Variants in SPPL3 observed in about 807,000 individuals in gnomAD.
The protein encoded by SPPL3 is signal peptide peptidase-like 3.
A neutral mutation model predicts 42.4 loss-of-function variants in SPPL3; 5 were observed. The observed-to-expected ratio is 0.12, with a 90% confidence interval of 0.06 to 0.25. The LOEUF (loss-of-function observed/expected upper bound fraction) is 0.25, where lower values mean the gene tolerates loss of function less well. Ranked by LOEUF, SPPL3 falls within the 10% of genes least tolerant of loss-of-function variation. The pLI is 1.00. For synonymous variants in SPPL3, 195 were observed against 181.8 expected (o/e 1.07, Z -0.58); for missense variants, 235 against 489.0 (o/e 0.48, Z 4.90).
chr12:120,878,136 G>A (rs1873165169), intron 1 of SPPL3, among the ~76,000 whole-genome samples: 1 of 151,862 alleles, frequency 6.6e-6, no homozygotes, highest in Non-Finnish European at 1.5e-5. Flanking sequence ...TGACCAGCTA[G>A]GAAAAAAATG....
At chr12:120,890,157 G>A (rs1038958886) in intron 1 of SPPL3, among the ~76,000 whole-genome samples, 1 of 152,172 alleles carries the variant, frequency 6.6e-6, no homozygotes. Flanking sequence ...GCTGAGGCAG[G>A]AGAGTTACTT....
intron 1 of SPPL3, among the ~76,000 whole-genome samples, chr12:120,817,542 G>A (rs1292949601): frequency 6.6e-6 from 1 of 152,142 alleles, no homozygotes; most frequent in Non-Finnish European, 1.5e-5. Flanking sequence ...ATGAAGGTAA[G>A]CCATCATCTT....
chr12:120,848,486 G>C (rs527356760), intron 1 of SPPL3, among the ~76,000 whole-genome samples: 1 of 152,312 alleles, frequency 6.6e-6, no homozygotes, highest in East Asian at 1.9e-4. Context: ...ACTGAGAATA[G>C]TGGTATCATT....
chr12:120,809,130 G>A (rs1870597676), intron 2 of SPPL3, among the ~76,000 whole-genome samples: 2 of 152,184 alleles, frequency 1.3e-5, no homozygotes, highest in African/African-American at 4.8e-5. Flanking sequence ...TGGATCACAA[G>A]GTCAGGAGAT....
intron 2 of SPPL3, 162 bp from the exon 3 acceptor site, chr12:120,791,719 G>C: frequency 1.8e-6 from 1 of 571,216 alleles, no homozygotes; most frequent in Non-Finnish European, 3.1e-6. Flanking sequence ...ACAATCTTCA[G>C]TCCTTCCAAT....
chr12:120,874,452 C>CAAA (rs71076673), intron 1 of SPPL3, among the ~76,000 whole-genome samples: 35 of 97,416 alleles, frequency 3.6e-4, no homozygotes, highest in Non-Finnish European at 5.5e-4. Context: ...GACCCTGTCG[C>CAAA]AAAAAAAAAA....
intron 6 of SPPL3, among the ~76,000 whole-genome samples, chr12:120,779,820 C>CA (rs1164272443): frequency 0.051 from 2,192 of 42,820 alleles, 132 homozygotes; most frequent in Middle Eastern, 0.12. Context: ...ACTAAAAATA[C>CA]AAAAAAAAAA....
chr12:120,882,786 T>C (rs1456748811), intron 1 of SPPL3, among the ~76,000 whole-genome samples: 1 of 152,082 alleles, frequency 6.6e-6, no homozygotes, highest in Non-Finnish European at 1.5e-5. Flanking sequence ...CCCAGTGCTG[T>C]GGGAAGCCAA....
Position 120,776,920 on chromosome 12 carries a change from G to C in SPPL3, c.502+5735C>G, listed in dbSNP as rs487912. Among the ~76,000 whole-genome samples the C allele has an allele frequency of 3.3e-5, 5 of 152,180 alleles. No individual in the cohort carries two copies. The South Asian group carries it at 8.3e-4, about 25-fold the overall frequency. ...AATATGGGCTTTGCATCTGCTAGCA[G>C]TGAAACTAATCATCCTGCTTAGGTG... On this transcript the variant is annotated intron_variant, in intron 6 of 10. Transcript: ENST00000353487.
At chr12:120,889,352 T>C (rs1873561144) in intron 1 of SPPL3, among the ~76,000 whole-genome samples, 1 of 152,260 alleles carries the variant, frequency 6.6e-6, no homozygotes, top group Non-Finnish European at 1.5e-5. Context: ...CATATGATTT[T>C]GCAGTTCTTC....
intron 1 of SPPL3, among the ~76,000 whole-genome samples, chr12:120,898,222 C>T (rs1030383588): frequency 2.7e-5 from 4 of 148,584 alleles, no homozygotes; most frequent in South Asian, 2.1e-4. Context: ...GAGAATTGCT[C>T]GAGCCTGGGA....
chr12:120,888,551 C>A (rs916723585), intron 1 of SPPL3, among the ~76,000 whole-genome samples: 1 of 152,116 alleles, frequency 6.6e-6, no homozygotes, highest in Admixed American at 6.5e-5. Flanking sequence ...GTGCAAGCAG[C>A]CAGAAACAAA....
At chr12:120,773,911 A>C (rs1253869565) in intron 6 of SPPL3, among the ~76,000 whole-genome samples, 1 of 152,132 alleles carries the variant, frequency 6.6e-6, no homozygotes, top group Admixed American at 6.5e-5. Flanking sequence ...GCCCTTCCTG[A>C]ACTTTTGTAC....
intron 1 of SPPL3, among the ~76,000 whole-genome samples, chr12:120,895,016 A>T (rs1873757739): frequency 6.6e-6 from 1 of 152,176 alleles, no homozygotes; most frequent in African/African-American, 2.4e-5. Flanking sequence ...AAGGGTAGAA[A>T]ACCGTACCAT....
chr12:120,768,609 C>T (rs1868992954), intron 7 of SPPL3, 121 bp from the exon 8 acceptor site: 6 of 1,166,752 alleles, frequency 5.1e-6, no homozygotes, highest in Non-Finnish European at 7.3e-6. Flanking sequence ...CTTTCGTTGA[C>T]TGTATGATTT....
chr12:120,870,446 AAAG>A (rs1428852680), intron 1 of SPPL3, among the ~76,000 whole-genome samples: 1 of 152,184 alleles, frequency 6.6e-6, no homozygotes, highest in East Asian at 1.9e-4. Flanking sequence ...TCTCAGAAAA[AAAG>A]AAAGAAAAAA....
chr12:120,820,096 A>G (rs1341692413), intron 1 of SPPL3, among the ~76,000 whole-genome samples: 4 of 152,140 alleles, frequency 2.6e-5, no homozygotes, highest in Admixed American at 6.6e-5. Flanking sequence ...CTTTACCCAT[A>G]AGCTCTGGCT....
intron 6 of SPPL3, among the ~76,000 whole-genome samples, chr12:120,770,420 A>G (rs553370087): frequency 2.0e-5 from 3 of 152,072 alleles, no homozygotes; most frequent in South Asian, 2.1e-4. Context: ...TCTATCCCAT[A>G]TATTTCCCAT....
intron 1 of SPPL3, among the ~76,000 whole-genome samples, chr12:120,856,503 C>CTTTTTTTTT (rs35137934): frequency 3.4e-5 from 3 of 89,190 alleles, no homozygotes; most frequent in East Asian, 3.7e-4. Flanking sequence ...CAATTTTCAT[C>CTTTTTTTTT]TTTTTTTTTT....
Sources: allele counts gnomAD v4.1 joint callset (sites outside exome capture counted in the v4.1 genomes callset), GRCh38; gene constraint gnomAD v4.1.1; transcripts MANE v1.5; gene names NCBI Gene and HGNC (gene_info 2026-07-23, HGNC 2026-07-21).